TOM1: variants seen among roughly 807,000 people sequenced by gnomAD.
TOM1 encodes the protein target of myb1 membrane trafficking protein, also known as target of Myb protein 1.
A neutral mutation model predicts 61.3 loss-of-function variants in TOM1; 38 were observed. The ratio of observed to expected loss-of-function variants is 0.62; its 90% CI spans 0.48 to 0.81. The LOEUF (loss-of-function observed/expected upper bound fraction) is 0.81, where lower values mean the gene tolerates loss of function less well. Ranked by LOEUF, TOM1 falls within the 40% of genes least tolerant of loss-of-function variation. The pLI is 0.00. For missense variants in TOM1, 591 were observed against 659.6 expected (o/e 0.90, Z 1.14); for synonymous variants, 270 against 268.8 (o/e 1.00, Z -0.04).
rs756784696 is a variant in TOM1, at chr22:35,334,466, G to C, written c.1148+18G>C. On this transcript the variant is annotated intron_variant, in intron 11 of 14. Transcript: ENST00000449058. ...CGGAAAGAGTGAGTGGCCTGGCCCTGCCCTGGTCCCCTGCAGTTCGGGTGG... is the reference window on the plus strand; with the variant it reads ...CGGAAAGAGTGAGTGGCCTGGCCCTCCCCTGGTCCCCTGCAGTTCGGGTGG... 2 of 1,613,442 alleles carry C rather than the reference G, an allele frequency of 1.2e-6. No individual in the cohort carries two copies. The highest frequency in any genetic ancestry group is 3.3e-5 in the Admixed American group (2 of 59,984).
intron 1 of TOM1, among the ~76,000 whole-genome samples, chr22:35,308,546 T>G (rs1336096836): frequency 5.9e-5 from 9 of 152,246 alleles, no homozygotes; most frequent in Admixed American, 2.6e-4. Flanking sequence ...CCTCTCAAAG[T>G]GCTAGGATTA....
intron 11 of TOM1, chr22:35,335,545 C>G (rs1231352532): frequency 6.5e-6 from 1 of 152,778 alleles, no homozygotes; most frequent in African/African-American, 2.4e-5. Context: ...ATGGGACTTG[C>G]AGCCAGACAC....
At chr22:35,309,425 C>A (rs912560520) in intron 1 of TOM1, among the ~76,000 whole-genome samples, 1 of 152,170 alleles carries the variant, frequency 6.6e-6, no homozygotes, top group African/African-American at 2.4e-5. Flanking sequence ...AGGCAGATCG[C>A]CTGAGGTCAG....
intron 1 of TOM1, among the ~76,000 whole-genome samples, chr22:35,316,707 CAGT>C (rs1927318565): frequency 6.6e-6 from 1 of 152,156 alleles, no homozygotes; most frequent in Admixed American, 6.5e-5. Flanking sequence ...TGGTTGTATT[CAGT>C]ATTACAGGTG....
chr22:35,316,903 C>G (rs545044182), intron 1 of TOM1, among the ~76,000 whole-genome samples: 6 of 152,236 alleles, frequency 3.9e-5, no homozygotes, highest in Admixed American at 3.9e-4. Flanking sequence ...ATCATCACCT[C>G]TCTTTGGGGT....
At chr22:35,329,468 G>C (rs1025460614) in intron 7 of TOM1, among the ~76,000 whole-genome samples, 1 of 152,220 alleles carries the variant, frequency 6.6e-6, no homozygotes, top group Non-Finnish European at 1.5e-5. Context: ...GCCAGACTAA[G>C]GGGAAGCCAG....
At chr22:35,306,610 G>A (rs980087950) in intron 1 of TOM1, among the ~76,000 whole-genome samples, 5 of 152,106 alleles carry the variant, frequency 3.3e-5, no homozygotes, top group East Asian at 1.9e-4. Context: ...CAATGTCCTC[G>A]TCTGTACAAT....
intron 2 of TOM1, among the ~76,000 whole-genome samples, chr22:35,321,419 T>C (rs1049836606): frequency 1.3e-5 from 2 of 151,496 alleles, no homozygotes; most frequent in Admixed American, 1.3e-4. Context: ...AGTGGCGCAA[T>C]CTCGGCTCTC....
intron 1 of TOM1, among the ~76,000 whole-genome samples, chr22:35,310,367 A>G (rs562498146): frequency 6.6e-6 from 1 of 152,340 alleles, no homozygotes; most frequent in South Asian, 2.1e-4. Flanking sequence ...ATCCTGGCCA[A>G]TGTGGTGAAA....
intron 12 of TOM1, chr22:35,344,565 T>C (rs1375336127): frequency 6.6e-6 from 1 of 152,190 alleles, no homozygotes; most frequent in Non-Finnish European, 1.5e-5. Context: ...ACGGAGCCGG[T>C]GTGCACAGCT....
rs752766189 is a variant in TOM1 at position 35,330,486 on chromosome 22, C to T, written c.899+6C>T. On this transcript the variant is annotated splice_donor_region_variant and intron_variant, in intron 8 of 14. Coordinates refer to ENST00000449058, the MANE Select transcript of TOM1 (RefSeq NM_005488.3). Reference sequence around the variant, plus strand: ...GTGTTCCTGCGCCATGAACGGTAGCCCCAGCACCTCCCCTGGCCTCTGGCC... The same window carrying T: ...GTGTTCCTGCGCCATGAACGGTAGCTCCAGCACCTCCCCTGGCCTCTGGCC... 2 of 1,607,196 alleles carry T rather than the reference C, an allele frequency of 1.2e-6. No individual in the cohort carries two copies. Among genetic ancestry groups the T allele is most frequent in the African/African-American group, 1.3e-5 (1 of 74,674 alleles).
intron 1 of TOM1, among the ~76,000 whole-genome samples, chr22:35,315,504 G>A (rs981878573): frequency 1.3e-5 from 2 of 152,194 alleles, no homozygotes; most frequent in African/African-American, 4.8e-5. Flanking sequence ...AAGGGCAGGG[G>A]TGTGGTACAA....
chr22:35,305,233 C>T (rs1443156210), intron 1 of TOM1, among the ~76,000 whole-genome samples: 2 of 152,194 alleles, frequency 1.3e-5, no homozygotes, highest in East Asian at 1.9e-4. Flanking sequence ...ATGTCACGGT[C>T]CCTCTCCATT....
rs1343081035 is a variant in TOM1, at chr22:35,347,958, T to A, written c.*749T>A. 1 of 152,348 alleles carries A rather than the reference T, an allele frequency of 6.6e-6. No individual in the cohort carries two copies. Among genetic ancestry groups the A allele is most frequent in the African/African-American group, 2.4e-5 (1 of 41,400 alleles). The allele number at this position is 152,348 out of a possible 1,614,324, so 9.4% of individuals were successfully genotyped here. A position where few individuals can be genotyped will look rare whatever the true frequency, so the allele number is the denominator to read the frequency against. ...GAGAGGTGCCTTTTGTATCCCCAATTAAAGGTAGAAAACCACCCTGCTAGC... is the reference window on the plus strand; with the variant it reads ...GAGAGGTGCCTTTTGTATCCCCAATAAAAGGTAGAAAACCACCCTGCTAGC... On this transcript the variant is annotated 3_prime_UTR_variant, in exon 15 of 15. Transcript: ENST00000449058.
In TOM1 at chr22:35,347,699, G is replaced by T; in HGVS notation, c.*490G>T. 6.4e-6 allele frequency: 1 copy of T among 155,372 alleles called. No individual in the cohort carries two copies. Among genetic ancestry groups the T allele is most frequent in the Non-Finnish European group, 1.4e-5 (1 of 69,970 alleles). The allele number at this position is 155,372 out of a possible 1,614,324, so 9.6% of individuals were successfully genotyped here. A position where few individuals can be genotyped will look rare whatever the true frequency, so the allele number is the denominator to read the frequency against. Reference sequence around the variant, plus strand: ...CCCCATGGCTTTGGCTGGCCACTGAGGGTAGGGTGTGGAGGTGTGGAGGCC... The same window carrying T: ...CCCCATGGCTTTGGCTGGCCACTGATGGTAGGGTGTGGAGGTGTGGAGGCC... On this transcript the variant is annotated 3_prime_UTR_variant, in exon 15 of 15. Coordinates refer to ENST00000449058, the MANE Select transcript of TOM1 (RefSeq NM_005488.3).
intron 1 of TOM1, among the ~76,000 whole-genome samples, chr22:35,301,257 C>T (rs141869389): frequency 1.3e-5 from 2 of 152,024 alleles, no homozygotes; most frequent in Admixed American, 6.6e-5. Flanking sequence ...CACACACACA[C>T]GCACACATAT....
Position 35,330,370 on chromosome 22 carries a change from C to T in TOM1, c.789C>T (p.Ala263=). Residue 263 remains alanine, a synonymous_variant, in exon 8 of 15, where the codon GCC becomes GCT. Coordinates refer to ENST00000449058, the MANE Select transcript of TOM1 (RefSeq NM_005488.3). ...LLQELNRTCR[A]MQQRVLELIP... Reference sequence around the variant, plus strand: ...AGGAGCTCAACCGCACGTGCCGAGCCATGCAGCAGCGGGTCCTGGAGCTCA... The same window carrying T: ...AGGAGCTCAACCGCACGTGCCGAGCTATGCAGCAGCGGGTCCTGGAGCTCA... 6.2e-7 allele frequency: 1 copy of T among 1,612,970 alleles called. No individual in the cohort carries two copies. Among genetic ancestry groups the T allele is most frequent in the Non-Finnish European group, 8.5e-7 (1 of 1,179,582 alleles).
chr22:35,317,661 G>C (rs1232145111), intron 1 of TOM1, among the ~76,000 whole-genome samples: 1 of 152,124 alleles, frequency 6.6e-6, no homozygotes, highest in Non-Finnish European at 1.5e-5. Flanking sequence ...GAAGAGCAGA[G>C]GTACTCCGGC....
intron 1 of TOM1, among the ~76,000 whole-genome samples, chr22:35,300,641 C>A (rs938737090): frequency 4.6e-5 from 7 of 152,120 alleles, no homozygotes; most frequent in Non-Finnish European, 8.8e-5. Flanking sequence ...CTCGGTGCTC[C>A]GTAGGTGGGG....
Sources: gnomAD v4.1 joint callset for allele counts (sites outside exome capture counted in the v4.1 genomes callset) on GRCh38, gnomAD v4.1.1 for gene constraint, MANE v1.5 for transcripts, NCBI Gene and HGNC (gene_info 2026-07-23, HGNC 2026-07-21) for gene names.